Variants in COBLL1 observed in about 807,000 individuals in gnomAD.
The protein encoded by COBLL1 is cordon-bleu WH2 repeat protein like 1, also known as cordon-bleu protein-like 1.
Under a neutral mutation model 94.8 loss-of-function variants are expected in COBLL1, and 50 were observed. That is an observed-to-expected ratio of 0.53 (90% CI 0.42 to 0.67). The LOEUF (loss-of-function observed/expected upper bound fraction) is 0.67. Ranked by LOEUF, COBLL1 falls within the 30% of genes least tolerant of loss-of-function variation. COBLL1 has a pLI of 0.00. For synonymous variants in COBLL1, 448 were observed against 473.8 expected (o/e 0.95, Z 0.71); for missense variants, 1,362 against 1,348.7 (o/e 1.01, Z -0.15).
chr2:164,763,961 A>AGG (rs556473888), intron 2 of COBLL1, among the ~76,000 whole-genome samples: 228 of 152,312 alleles, frequency 1.5e-3, no homozygotes, highest in Non-Finnish European at 1.8e-3. Context: ...CAGGGGCGTA[A>AGG]CTGTGGCTTA....
At chr2:164,666,169 A>T (rs974127594) in intron 1 of COBLL1, among the ~76,000 whole-genome samples, 1 of 152,212 alleles carries the variant, frequency 6.6e-6, no homozygotes, top group African/African-American at 2.4e-5. Context: ...AACATGAAGT[A>T]TAGTTATACC....
intron 2 of COBLL1, among the ~76,000 whole-genome samples, chr2:164,821,568 C>T (rs776661521): frequency 6.6e-6 from 1 of 152,166 alleles, no homozygotes; most frequent in Non-Finnish European, 1.5e-5. Flanking sequence ...TTAAAACTAT[C>T]TTCTTACACA....
intron 2 of COBLL1, among the ~76,000 whole-genome samples, chr2:164,796,975 TA>T (rs941199147): frequency 2.6e-5 from 4 of 152,010 alleles, no homozygotes; most frequent in African/African-American, 9.7e-5. Context: ...ACCCTACCTC[TA>T]AAAAAATTTT....
At chr2:164,665,330 C>A (rs1163682594) in intron 2 of COBLL1, among the ~76,000 whole-genome samples, 321 of 121,668 alleles carry the variant, frequency 2.6e-3, no homozygotes, top group South Asian at 3.3e-3. Context: ...GATTCTGTGT[C>A]AAAAAAAAAA....
rs1283578165 is a variant in COBLL1, at chr2:164,685,706, C to A, written c.*240G>T. 1.8e-5 allele frequency: 6 copies of A among 335,620 alleles called. No homozygotes were observed. The highest frequency in any genetic ancestry group is 1.4e-4 in the Admixed American group (3 of 21,096). The allele number at this position is 335,620 out of a possible 1,614,324, so 20.8% of individuals were successfully genotyped here. A position where few individuals can be genotyped will look rare whatever the true frequency, so the allele number is the denominator to read the frequency against. ...TGTAAAAAATGAAAATCATTTACACCTTGTTTTAAAGTTCTAAAGCAGCAT... is the reference window on the plus strand; with the variant it reads ...TGTAAAAAATGAAAATCATTTACACATTGTTTTAAAGTTCTAAAGCAGCAT... On this transcript the variant is annotated 3_prime_UTR_variant, in exon 14 of 14. Coordinates refer to ENST00000652658, the MANE Select transcript of COBLL1 (RefSeq NM_001365672.2).
At chr2:164,822,848 C>G (rs1685245154) in intron 2 of COBLL1, among the ~76,000 whole-genome samples, 1 of 151,308 alleles carries the variant, frequency 6.6e-6, no homozygotes, top group South Asian at 2.1e-4. Flanking sequence ...AGCTCACTTG[C>G]AACCTCCACC....
At position 164,704,516 on chromosome 2, in the gene COBLL1, A is replaced by C. The variant is rs1400440702; in HGVS notation, c.1153T>G (p.Leu385Val). The C allele has an allele frequency of 1.2e-6, 2 of 1,611,452 alleles. No homozygotes were observed. The highest frequency in any genetic ancestry group is 2.2e-5 in the East Asian group (1 of 44,858). The change falls in exon 9 of 14, where the codon TTA becomes GTA. Residue 385 changes from leucine to valine, a missense_variant and splice_region_variant. Physicochemically the swap from Leu to Val is conservative, Grantham distance 32. Coordinates refer to ENST00000652658, the MANE Select transcript of COBLL1 (RefSeq NM_001365672.2). ...GGAGGAACTCCATCTACTGGCTGTAAGGCTAAAGGAAAGAAGCAACACAAC... is the reference window on the plus strand; with the variant it reads ...GGAGGAACTCCATCTACTGGCTGTACGGCTAAAGGAAAGAAGCAACACAAC... ...QSDENSRVTALQPVDGVPPDS... is the reference protein window; with the variant it reads ...QSDENSRVTAVQPVDGVPPDS...
At chr2:164,658,012 G>A (rs1483465363) in intron 2 of COBLL1, among the ~76,000 whole-genome samples, 3 of 152,092 alleles carry the variant, frequency 2.0e-5, no homozygotes, top group Non-Finnish European at 4.4e-5. Flanking sequence ...TGAATGCCTG[G>A]GTTTATATCC....
intron 2 of COBLL1, among the ~76,000 whole-genome samples, chr2:164,768,859 C>T (rs1688064711): frequency 6.6e-6 from 1 of 152,114 alleles, no homozygotes; most frequent in Admixed American, 6.6e-5. Flanking sequence ...ATTGCAAGCA[C>T]ACGATGGCAC....
At chr2:164,739,160 T>C (rs1686470860) in intron 3 of COBLL1, among the ~76,000 whole-genome samples, 1 of 152,096 alleles carries the variant, frequency 6.6e-6, no homozygotes, top group Non-Finnish European at 1.5e-5. Context: ...ATTAAAGAGA[T>C]GGCATCACTA....
chr2:164,798,744 G>A (rs1400951880), intron 2 of COBLL1, among the ~76,000 whole-genome samples: 5 of 149,252 alleles, frequency 3.4e-5, no homozygotes, highest in Non-Finnish European at 6.0e-5. Flanking sequence ...AGCAGGCTGG[G>A]GGCAGTGGCT....
chr2:164,735,827 T>C (rs2105537018), intron 3 of COBLL1, among the ~76,000 whole-genome samples: 1 of 152,340 alleles, frequency 6.6e-6, no homozygotes, highest in South Asian at 2.1e-4. Context: ...AAGATGCCTG[T>C]CTTCCTGTTT....
At chr2:164,710,097 A>C (rs1684807550) in intron 7 of COBLL1, among the ~76,000 whole-genome samples, 1 of 152,194 alleles carries the variant, frequency 6.6e-6, no homozygotes, top group Non-Finnish European at 1.5e-5. Context: ...CTTGGAAAAT[A>C]ATTTCAATTA....
downstream of COBLL1, among the ~76,000 whole-genome samples, chr2:164,678,357 G>A (rs1682889698): frequency 6.6e-6 from 1 of 152,026 alleles, no homozygotes. Flanking sequence ...AGAAAGGCAT[G>A]GTTATTTAAC....
intron 2 of COBLL1, among the ~76,000 whole-genome samples, chr2:164,817,674 TC>T (rs55833537): frequency 0.12 from 17,823 of 152,180 alleles, 1,397 homozygotes; most frequent in Admixed American, 0.18. Context: ...CTGAATGAGT[TC>T]CTACAGTATA....
chr2:164,761,394 G>C (rs1476809834), intron 2 of COBLL1: 3 of 151,186 alleles, frequency 2.0e-5, no homozygotes, highest in Non-Finnish European at 1.5e-5. Context: ...AGTAACAAGA[G>C]CGAAAGAGCC....
At chr2:164,664,442 C>A (rs1691121423) in intron 2 of COBLL1, among the ~76,000 whole-genome samples, 1 of 152,148 alleles carries the variant, frequency 6.6e-6, no homozygotes, top group African/African-American at 2.4e-5. Flanking sequence ...ATATTTCTTA[C>A]ATTGAAAAGT....
At chr2:164,675,470 G>A (rs1303376100), downstream of COBLL1, among the ~76,000 whole-genome samples, 1 of 152,062 alleles carries the variant, frequency 6.6e-6, no homozygotes, top group Non-Finnish European at 1.5e-5. Flanking sequence ...GGCTTGTTCT[G>A]CAGACAGCTC....
chr2:164,777,173 T>G (rs964656373), intron 2 of COBLL1, among the ~76,000 whole-genome samples: 3 of 86,006 alleles, frequency 3.5e-5, no homozygotes, highest in African/African-American at 1.3e-4. Context: ...TAATTTTGAA[T>G]TGTAGCTTGA....
Sources: allele counts gnomAD v4.1 joint callset (sites outside exome capture counted in the v4.1 genomes callset), GRCh38; gene constraint gnomAD v4.1.1; transcripts MANE v1.5; gene names NCBI Gene and HGNC (gene_info 2026-07-23, HGNC 2026-07-21).